Variants in CCNY observed in about 807,000 individuals in gnomAD.
CCNY encodes the protein cyclin Y, also known as cyclin-Y.
CCNY carries 19 observed loss-of-function variants against 42.8 expected under a neutral mutation model. The ratio of observed to expected loss-of-function variants is 0.44; its 90% CI spans 0.31 to 0.65. The LOEUF is 0.65. Among genes scored for constraint, CCNY ranks in the 30% least tolerant of loss-of-function variants. CCNY has a pLI of 0.07. For missense variants in CCNY, 370 were observed against 437.3 expected (o/e 0.85, Z 1.37); for synonymous variants, 165 against 162.7 (o/e 1.01, Z -0.11).
chr10:35,312,532 GCTGT>G (rs1187859672), intron 3 of CCNY, among the ~76,000 whole-genome samples: 1 of 151,872 alleles, frequency 6.6e-6, no homozygotes, highest in Admixed American at 6.6e-5. Context: ...TGATCCATGG[GCTGT>G]CTAATGTAGT....
intron 4 of CCNY, among the ~76,000 whole-genome samples, chr10:35,523,681 A>G (rs974212035): frequency 6.6e-6 from 1 of 152,238 alleles, no homozygotes; most frequent in African/African-American, 2.4e-5. Flanking sequence ...CAGAAGCCAG[A>G]GGACCTCTTA....
intron 1 of CCNY, among the ~76,000 whole-genome samples, chr10:35,399,577 T>G (rs1246449088): frequency 1.3e-5 from 2 of 152,258 alleles, no homozygotes; most frequent in African/African-American, 4.8e-5. Flanking sequence ...GTGTGGTGTT[T>G]CACGCTGTTA....
At chr10:35,369,061 A>G (rs558527211) in intron 1 of CCNY, among the ~76,000 whole-genome samples, 149 of 152,324 alleles carry the variant, frequency 9.8e-4, no homozygotes, top group African/African-American at 3.5e-3. Flanking sequence ...CATCGTGGAG[A>G]TCTGTCCTGC....
intron 3 of CCNY, among the ~76,000 whole-genome samples, chr10:35,271,980 G>A (rs1835175864): frequency 6.6e-6 from 1 of 152,130 alleles, no homozygotes; most frequent in African/African-American, 2.4e-5. Flanking sequence ...GTATGACACT[G>A]TCACAAAGTG....
chr10:35,269,626 T>TG (rs1565058786), intron 3 of CCNY, among the ~76,000 whole-genome samples: 2 of 138,642 alleles, frequency 1.4e-5, no homozygotes, highest in Non-Finnish European at 3.0e-5. Flanking sequence ...TCTTTTTTTT[T>TG]TTTTGTTTTG....
intron 1 of CCNY, among the ~76,000 whole-genome samples, chr10:35,387,904 A>G (rs1468941550): frequency 1.3e-5 from 2 of 152,148 alleles, no homozygotes; most frequent in Non-Finnish European, 1.5e-5. Flanking sequence ...CAAATTAGGT[A>G]TGGCCCTTCC....
In CCNY at chr10:35,536,570, C is replaced by T. The variant is rs117766073; in HGVS notation, c.579+6327C>T. 7.0e-3 allele frequency among the ~76,000 whole-genome samples: 1,068 copies of T among 152,158 alleles called. 5 individuals are homozygous for T. Among genetic ancestry groups the T allele is most frequent in the Middle Eastern group, 0.014 (4 of 294 alleles). On this transcript the variant is annotated intron_variant, in intron 7 of 9. Coordinates refer to ENST00000374704, the MANE Select transcript of CCNY (RefSeq NM_145012.6). ...ATGGCTTTGCCCAAAGTGGTGATAG[C>T]GATATGGACAATAAGGTTCAGGCTG... is the stretch of plus-strand genomic sequence containing the variant.
At chr10:35,383,549 C>T (rs1170937803) in intron 1 of CCNY, among the ~76,000 whole-genome samples, 1 of 152,212 alleles carries the variant, frequency 6.6e-6, no homozygotes, top group East Asian at 1.9e-4. Context: ...CGCAGGTGAT[C>T]TGCCCACCTT....
intron 8 of CCNY, among the ~76,000 whole-genome samples, chr10:35,560,826 G>C (rs1053425822): frequency 6.6e-6 from 1 of 152,108 alleles, no homozygotes. Flanking sequence ...CAGTAAAACC[G>C]TGTGAGCCCA....
chr10:35,347,630 A>C (rs1836334880), intron 1 of CCNY: 1 of 155,550 alleles, frequency 6.4e-6, no homozygotes, highest in African/African-American at 2.4e-5. Context: ...CTTGTCTCAC[A>C]CTGCAGATTT....
intron 3 of CCNY, among the ~76,000 whole-genome samples, chr10:35,301,422 A>G (rs967428122): frequency 6.6e-6 from 1 of 152,110 alleles, no homozygotes; most frequent in African/African-American, 2.4e-5. Flanking sequence ...TTTATATCCT[A>G]CCTAGGAGAG....
upstream of CCNY, among the ~76,000 whole-genome samples, chr10:35,333,734 G>A (rs1040699089): frequency 3.3e-5 from 5 of 152,266 alleles, no homozygotes; most frequent in African/African-American, 1.2e-4. Flanking sequence ...GGCTTTCAAC[G>A]AACGACATCT....
At chr10:35,270,728 CTTTTTTT>C (rs11411285) in intron 3 of CCNY, among the ~76,000 whole-genome samples, 2 of 124,734 alleles carry the variant, frequency 1.6e-5, no homozygotes, top group Non-Finnish European at 3.3e-5. Flanking sequence ...TTTTTTTTTT[CTTTTTTT>C]TTTTTTTTGA....
intron 3 of CCNY, among the ~76,000 whole-genome samples, chr10:35,266,188 C>T (rs955327140): frequency 6.6e-5 from 10 of 151,650 alleles, no homozygotes; most frequent in Non-Finnish European, 1.2e-4. Context: ...AGCAATTCTC[C>T]TGTCTCAGCC....
chr10:35,535,742 A>G (rs1469838511), intron 7 of CCNY, among the ~76,000 whole-genome samples: 2 of 152,198 alleles, frequency 1.3e-5, no homozygotes, highest in Admixed American at 1.3e-4. Context: ...CCTAGCGTTT[A>G]CATTGTATTA....
intron 1 of CCNY, among the ~76,000 whole-genome samples, chr10:35,444,075 A>T (rs1191265233): frequency 6.6e-6 from 1 of 152,116 alleles, no homozygotes; most frequent in Non-Finnish European, 1.5e-5. Flanking sequence ...TTGCTGAGAG[A>T]TCCTTTGTCT....
intron 2 of CCNY, among the ~76,000 whole-genome samples, chr10:35,493,947 C>G (rs1334571192): frequency 6.6e-6 from 1 of 152,224 alleles, no homozygotes; most frequent in African/African-American, 2.4e-5. Context: ...GCTGACAGCT[C>G]CTCTGTGCTG....
rs115873493 is a variant in CCNY at position 35,352,035 on chromosome 10, G to C, written c.154+14828G>C. Among the ~76,000 whole-genome samples, 1,035 of 152,282 alleles carry C rather than the reference G, an allele frequency of 6.8e-3. 10 individuals carry two copies. Among genetic ancestry groups the C allele is most frequent in the African/African-American group, 0.024 (989 of 41,566 alleles). ...TCTACCTAGTTTTCAAGTATTTTAA[G>C]ACGTTTGGCATATGATATTTTCGCC... On this transcript the variant is annotated intron_variant, in intron 1 of 9. Coordinates refer to ENST00000374704, the MANE Select transcript of CCNY (RefSeq NM_145012.6).
intron 4 of CCNY, among the ~76,000 whole-genome samples, chr10:35,519,290 T>C (rs961707423): frequency 6.6e-6 from 1 of 152,050 alleles, no homozygotes; most frequent in African/African-American, 2.4e-5. Flanking sequence ...TTAACAGATC[T>C]TGATTGAATC....
Sources: allele counts gnomAD v4.1 joint callset (sites outside exome capture counted in the v4.1 genomes callset), GRCh38; gene constraint gnomAD v4.1.1; transcripts MANE v1.5; gene names NCBI Gene and HGNC (gene_info 2026-07-23, HGNC 2026-07-21).